FMN1: variants seen among roughly 807,000 people sequenced by gnomAD.
FMN1 encodes formin-1.
A neutral mutation model predicts 132.4 loss-of-function variants in FMN1; 110 were observed. That is an observed-to-expected ratio of 0.83 (90% CI 0.71 to 0.97). FMN1 has a LOEUF of 0.97. FMN1 is among the 50% of genes least tolerant of loss of function. The pLI, the probability that FMN1 is intolerant of heterozygous loss-of-function variation, is 0.00. For missense variants in FMN1, 1,792 were observed against 1,705.3 expected (o/e 1.05, Z -0.90); for synonymous variants, 722 against 651.7 (o/e 1.11, Z -1.64).
chr15:32,990,399 A>C (rs771904551), intron 7 of FMN1, among the ~76,000 whole-genome samples: 1 of 152,180 alleles, frequency 6.6e-6, no homozygotes, highest in Non-Finnish European at 1.5e-5. Flanking sequence ...CCAGGATCAG[A>C]GCAAAGAAAG....
intron 4 of FMN1, among the ~76,000 whole-genome samples, chr15:33,098,422 C>G (rs2039168139): frequency 6.6e-6 from 1 of 152,156 alleles, no homozygotes; most frequent in Non-Finnish European, 1.5e-5. Context: ...GCTTCCAGAA[C>G]ACTTGTCTTC....
At chr15:32,989,891 G>A (rs2033329828) in intron 7 of FMN1, among the ~76,000 whole-genome samples, 1 of 152,112 alleles carries the variant, frequency 6.6e-6, no homozygotes, top group Non-Finnish European at 1.5e-5. Context: ...TTTAGTTTTA[G>A]GAGAACCATG....
At chr15:32,994,097 G>A (rs562645253) in intron 7 of FMN1, among the ~76,000 whole-genome samples, 11 of 151,982 alleles carry the variant, frequency 7.2e-5, no homozygotes, top group African/African-American at 2.4e-4. Context: ...GGCCATCATC[G>A]ATCAGTGAGA....
chr15:33,008,143 C>T, intron 6 of FMN1, 68 bp from the exon 7 acceptor site: 1 of 1,217,966 alleles, frequency 8.2e-7, no homozygotes, highest in Non-Finnish European at 1.2e-6. Flanking sequence ...ATCTACTGGT[C>T]CTCTTAGAAA....
chr15:33,157,300 T>C (rs1331732718), intron 3 of FMN1, among the ~76,000 whole-genome samples: 1 of 151,682 alleles, frequency 6.6e-6, no homozygotes, highest in African/African-American at 2.4e-5. Flanking sequence ...CTGTTCAAAG[T>C]CACAGTTTAT....
chr15:32,841,671 T>C (rs1485229857), intron 17 of FMN1, among the ~76,000 whole-genome samples: 1 of 152,154 alleles, frequency 6.6e-6, no homozygotes, highest in Non-Finnish European at 1.5e-5. Flanking sequence ...TGGAACTGGG[T>C]TCGTGAGGCT....
chr15:33,120,990 A>G (rs915611199), intron 4 of FMN1, among the ~76,000 whole-genome samples: 1 of 151,984 alleles, frequency 6.6e-6, no homozygotes, highest in Non-Finnish European at 1.5e-5. Context: ...TTGCTTCTTG[A>G]TAGAGGTTTT....
intron 7 of FMN1, among the ~76,000 whole-genome samples, chr15:32,980,975 C>T (rs115303878): frequency 2.4e-3 from 373 of 152,300 alleles, no homozygotes; most frequent in African/African-American, 8.4e-3. Flanking sequence ...GATCGTGCCA[C>T]TGCACCCCAG....
chr15:32,968,654 T>C (rs966143957), intron 8 of FMN1, 60 bp downstream of exon 8: 5 of 1,601,756 alleles, frequency 3.1e-6, no homozygotes, highest in Non-Finnish European at 4.3e-6. Flanking sequence ...AAGAATAAAA[T>C]ATCACTTGGG....
chr15:33,180,820 G>A (rs1965672987), intron 2 of FMN1, among the ~76,000 whole-genome samples: 1 of 146,118 alleles, frequency 6.8e-6, no homozygotes, highest in African/African-American at 2.6e-5. Flanking sequence ...TATGATCACG[G>A]CTCACTGCAA....
At chr15:33,126,900 AGT>A (rs1235585799) in intron 4 of FMN1, among the ~76,000 whole-genome samples, 2 of 152,204 alleles carry the variant, frequency 1.3e-5, no homozygotes, top group African/African-American at 2.4e-5. Context: ...ATAACTGCAA[AGT>A]GGGATAAACG....
At chr15:32,835,646 T>C (rs903626873) in intron 17 of FMN1, among the ~76,000 whole-genome samples, 1 of 152,198 alleles carries the variant, frequency 6.6e-6, no homozygotes, top group African/African-American at 2.4e-5. Flanking sequence ...GGAATTCTAT[T>C]TCAATCCTCC....
intron 4 of FMN1, among the ~76,000 whole-genome samples, chr15:33,090,899 A>G (rs2038879244): frequency 6.6e-6 from 1 of 152,148 alleles, no homozygotes; most frequent in Non-Finnish European, 1.5e-5. Flanking sequence ...TTTGACTTCT[A>G]TTTATATGGC....
At chr15:32,972,342 TC>T (rs2031861605) in intron 7 of FMN1, among the ~76,000 whole-genome samples, 1 of 152,174 alleles carries the variant, frequency 6.6e-6, no homozygotes, top group East Asian at 1.9e-4. Flanking sequence ...TATGGCACTT[TC>T]CAACCCTACC....
intron 19 of FMN1, among the ~76,000 whole-genome samples, chr15:32,792,419 T>C (rs1409369140): frequency 1.3e-5 from 2 of 151,358 alleles, no homozygotes; most frequent in Non-Finnish European, 2.9e-5. Context: ...CACTCCAGCC[T>C]GGGCGACAGA....
rs1478979853 is a variant in FMN1, at chr15:32,852,149, C to T, written c.3928+4866G>A. 2.0e-5 allele frequency among the ~76,000 whole-genome samples: 3 copies of T among 152,298 alleles called. No homozygotes were observed. The East Asian group carries it at 5.8e-4, about 29-fold the overall frequency. On this transcript the variant is annotated intron_variant, in intron 17 of 20. Coordinates refer to ENST00000616417, the MANE Select transcript of FMN1 (RefSeq NM_001277313.2). ...GCTCTCTCCCATGAGCCCAGCATCT[C>T]TACCTGCGCGTCTCACATGTACAAA... is the stretch of plus-strand genomic sequence containing the variant.
chr15:32,999,758 C>G (rs2033986454), intron 7 of FMN1, among the ~76,000 whole-genome samples: 1 of 152,230 alleles, frequency 6.6e-6, no homozygotes, highest in Non-Finnish European at 1.5e-5. Context: ...ATACAACAAT[C>G]TGTCGTTTCC....
intron 18 of FMN1, among the ~76,000 whole-genome samples, chr15:32,803,104 G>A (rs577728519): frequency 6.6e-6 from 1 of 152,240 alleles, no homozygotes; most frequent in Admixed American, 6.5e-5. Context: ...CAGAAGTCTC[G>A]GAAATTGTGG....
intron 9 of FMN1, among the ~76,000 whole-genome samples, chr15:32,954,546 T>C (rs1388782542): frequency 6.6e-6 from 1 of 152,224 alleles, no homozygotes; most frequent in African/African-American, 2.4e-5. Flanking sequence ...CGGGATTCGA[T>C]ATTTGGTTAG....
Sources: gnomAD v4.1 joint callset for allele counts (sites outside exome capture counted in the v4.1 genomes callset) on GRCh38, gnomAD v4.1.1 for gene constraint, MANE v1.5 for transcripts, NCBI Gene and HGNC (gene_info 2026-07-23, HGNC 2026-07-21) for gene names.